ADIPOR2: variants seen among roughly 807,000 people sequenced by gnomAD.
ADIPOR2 encodes the protein adiponectin receptor protein 2.
ADIPOR2 carries 18 observed loss-of-function variants against 40.9 expected under a neutral mutation model. That is an observed-to-expected ratio of 0.44 (90% CI 0.30 to 0.65). The LOEUF is 0.65. ADIPOR2 is among the 30% of genes least tolerant of loss of function. The pLI is 0.09. For synonymous variants in ADIPOR2, 165 were observed against 166.4 expected (o/e 0.99, Z 0.06); for missense variants, 283 against 479.2 (o/e 0.59, Z 3.82).
At chr12:1,759,867 A>G (rs1408423116) in intron 2 of ADIPOR2, among the ~76,000 whole-genome samples, 2 of 152,048 alleles carry the variant, frequency 1.3e-5, no homozygotes, top group Non-Finnish European at 2.9e-5. Flanking sequence ...TCTACGAAAA[A>G]TACAAAAATT....
At chr12:1,702,458 G>A (rs976972615) in intron 1 of ADIPOR2, among the ~76,000 whole-genome samples, 1 of 152,048 alleles carries the variant, frequency 6.6e-6, no homozygotes, top group African/African-American at 2.4e-5. Context: ...TATGATTAAT[G>A]GCATTGTCAG....
chr12:1,704,011 A>G (rs371828516), intron 1 of ADIPOR2, among the ~76,000 whole-genome samples: 1 of 64,492 alleles, frequency 1.6e-5, no homozygotes, highest in Non-Finnish European at 3.0e-5. Flanking sequence ...CTATGCCCCC[A>G]CCAGTTTTTT....
chr12:1,736,152 T>A (rs1446100456), intron 1 of ADIPOR2, among the ~76,000 whole-genome samples: 1 of 152,222 alleles, frequency 6.6e-6, no homozygotes, highest in African/African-American at 2.4e-5. Flanking sequence ...TTGATTGGAA[T>A]AGTTTCAGAA....
At chr12:1,733,966 C>T (rs1223789434) in intron 1 of ADIPOR2, among the ~76,000 whole-genome samples, 1 of 152,124 alleles carries the variant, frequency 6.6e-6, no homozygotes, top group East Asian at 1.9e-4. Context: ...GCATAGTATT[C>T]CATGGTGTAT....
intron 7 of ADIPOR2, 22 bp downstream of exon 7, chr12:1,784,095 AGT>A: frequency 1.3e-6 from 2 of 1,547,210 alleles, no homozygotes; most frequent in Non-Finnish European, 1.8e-6. Flanking sequence ...GGGGTGACTG[AGT>A]GTGTAGGTAT....
chr12:1,732,943 T>G (rs1293920196), intron 1 of ADIPOR2, among the ~76,000 whole-genome samples: 1 of 152,182 alleles, frequency 6.6e-6, no homozygotes, highest in Non-Finnish European at 1.5e-5. Flanking sequence ...TAGGATAAAA[T>G]TCAAGGAGAA....
At chr12:1,779,674 T>A (rs1862674755) in intron 4 of ADIPOR2, among the ~76,000 whole-genome samples, 1 of 152,232 alleles carries the variant, frequency 6.6e-6, no homozygotes, top group South Asian at 2.1e-4. Flanking sequence ...TTGATTTCCA[T>A]GGTGCCTCTA....
At chr12:1,723,766 G>GT (rs1303524432) in intron 1 of ADIPOR2, among the ~76,000 whole-genome samples, 1 of 152,114 alleles carries the variant, frequency 6.6e-6, no homozygotes, top group East Asian at 1.9e-4. Context: ...AAACAGTAAC[G>GT]TGAGTCCTCA....
chr12:1,731,287 C>T (rs535830806), intron 1 of ADIPOR2, among the ~76,000 whole-genome samples: 1 of 152,310 alleles, frequency 6.6e-6, no homozygotes, highest in African/African-American at 2.4e-5. Context: ...TCTCCCGCTT[C>T]AGCCTCCCAA....
intron 1 of ADIPOR2, among the ~76,000 whole-genome samples, chr12:1,720,875 A>C (rs1270557341): frequency 6.6e-6 from 1 of 152,192 alleles, no homozygotes; most frequent in African/African-American, 2.4e-5. Flanking sequence ...CCTGCCTTCC[A>C]TTCTATTCAA....
chr12:1,692,426 A>G (rs1265707255), intron 1 of ADIPOR2, among the ~76,000 whole-genome samples: 1 of 152,222 alleles, frequency 6.6e-6, no homozygotes, highest in Non-Finnish European at 1.5e-5. Flanking sequence ...TTTCATCAGT[A>G]AAGATTTCCA....
intron 3 of ADIPOR2, among the ~76,000 whole-genome samples, chr12:1,775,004 A>G (rs1247367080): frequency 1.9e-5 from 2 of 107,052 alleles, no homozygotes; most frequent in African/African-American, 3.5e-5. Flanking sequence ...TGCCCGGCTA[A>G]TTTTTGTATT....
At chr12:1,774,038 CAACTG>C (rs755723467) in intron 3 of ADIPOR2, among the ~76,000 whole-genome samples, 2 of 152,104 alleles carry the variant, frequency 1.3e-5, no homozygotes, top group African/African-American at 4.8e-5. Flanking sequence ...AGTGAAGAAA[CAACTG>C]AACAGAACAA....
intron 1 of ADIPOR2, among the ~76,000 whole-genome samples, chr12:1,709,192 G>A (rs1046565191): frequency 6.6e-6 from 1 of 152,082 alleles, no homozygotes; most frequent in Non-Finnish European, 1.5e-5. Flanking sequence ...AGATCATTAG[G>A]GAGAGAATTG....
At chr12:1,699,530 A>G (rs748955957) in intron 1 of ADIPOR2, among the ~76,000 whole-genome samples, 11 of 152,220 alleles carry the variant, frequency 7.2e-5, no homozygotes, top group Non-Finnish European at 1.2e-4. Context: ...CACTGCCTGT[A>G]ATCCCTGCTA....
intron 1 of ADIPOR2, among the ~76,000 whole-genome samples, chr12:1,711,076 A>G (rs1247656679): frequency 6.6e-6 from 1 of 152,090 alleles, no homozygotes; most frequent in East Asian, 1.9e-4. Context: ...ACTATCCCTC[A>G]CTGGTTAGTG....
rs1464377319 is a variant in ADIPOR2, at chr12:1,709,016, G to GC, written c.-87+17828dup. On this transcript the variant is annotated intron_variant, in intron 1 of 7. Transcript: ENST00000357103. ...TTACATGTGTGAGCCACTGTGCCTGGCCCTGCATATCTATACTTATGCCAG... is the reference window on the plus strand; with the variant it reads ...TTACATGTGTGAGCCACTGTGCCTGGCCCCTGCATATCTATACTTATGCCAG... 3.9e-5 allele frequency among the ~76,000 whole-genome samples: 6 copies of GC among 152,216 alleles called. No individual in the cohort carries two copies. In the East Asian group the frequency reaches 1.2e-3, roughly 29 times the overall value.
chr12:1,748,317 C>A (rs1018564286), intron 1 of ADIPOR2, among the ~76,000 whole-genome samples: 1 of 152,080 alleles, frequency 6.6e-6, no homozygotes, highest in Non-Finnish European at 1.5e-5. Flanking sequence ...GGCGCGATCT[C>A]GGCTCACTGC....
At chr12:1,692,363 T>A (rs1239416008) in intron 1 of ADIPOR2, among the ~76,000 whole-genome samples, 1 of 152,230 alleles carries the variant, frequency 6.6e-6, no homozygotes, top group Non-Finnish European at 1.5e-5. Context: ...TTTCATCCGT[T>A]CTGATAAATT....
Sources: gnomAD v4.1 joint callset for allele counts (sites outside exome capture counted in the v4.1 genomes callset) on GRCh38, gnomAD v4.1.1 for gene constraint, MANE v1.5 for transcripts, NCBI Gene and HGNC (gene_info 2026-07-23, HGNC 2026-07-21) for gene names.